The following GRIK4 variants were observed in gnomAD, a reference collection of about 807,000 sequenced individuals.
The protein encoded by GRIK4 is glutamate ionotropic receptor kainate type subunit 4.
A neutral mutation model predicts 104.9 loss-of-function variants in GRIK4; 40 were observed. The observed-to-expected ratio is 0.38, with a 90% CI of 0.30 to 0.50. GRIK4 has a LOEUF of 0.50. GRIK4 is among the 20% of genes least tolerant of loss of function. The pLI, the probability that GRIK4 is intolerant of heterozygous loss-of-function variation, is 0.93. For synonymous variants in GRIK4, 485 were observed against 524.9 expected (o/e 0.92, Z 1.04); for missense variants, 1,047 against 1,308.1 (o/e 0.80, Z 3.08).
At chr11:120,596,141 C>T (rs1045140935) in intron 1 of GRIK4, among the ~76,000 whole-genome samples, 6 of 152,202 alleles carry the variant, frequency 3.9e-5, no homozygotes, top group African/African-American at 1.4e-4. Context: ...CCACTGTGCC[C>T]GACCGGGATG....
intron 3 of GRIK4, among the ~76,000 whole-genome samples, chr11:120,708,320 A>G (rs768538819): frequency 3.9e-5 from 6 of 152,020 alleles, no homozygotes; most frequent in Non-Finnish European, 8.8e-5. Context: ...GGGGCAGCAA[A>G]GCTTTTGATC....
At chr11:120,755,208 G>C (rs1951631352) in intron 3 of GRIK4, among the ~76,000 whole-genome samples, 1 of 152,194 alleles carries the variant, frequency 6.6e-6, no homozygotes, top group Admixed American at 6.5e-5. Flanking sequence ...TGCCTTTACA[G>C]CCACAGTGTG....
intron 3 of GRIK4, among the ~76,000 whole-genome samples, chr11:120,669,729 C>T (rs1351033858): frequency 6.6e-6 from 1 of 152,264 alleles, no homozygotes. Context: ...TTCTCAGTCT[C>T]CTTTGCTCGT....
At chr11:120,692,065 G>T (rs1168519927) in intron 3 of GRIK4, among the ~76,000 whole-genome samples, 1 of 152,204 alleles carries the variant, frequency 6.6e-6, no homozygotes, top group Non-Finnish European at 1.5e-5. Context: ...CTCTCCCTGT[G>T]CCCAGCCAGC....
chr11:120,731,987 T>G (rs939416391), intron 3 of GRIK4, among the ~76,000 whole-genome samples: 10 of 152,164 alleles, frequency 6.6e-5, no homozygotes, highest in African/African-American at 2.4e-4. Context: ...TTAAAAATGT[T>G]TTCAAAAAAC....
chr11:120,516,929 C>T (rs1207593399), intron 1 of GRIK4, among the ~76,000 whole-genome samples: 1 of 150,082 alleles, frequency 6.7e-6, no homozygotes, highest in Non-Finnish European at 1.5e-5. Context: ...CTGCTGCGTT[C>T]CTGGGCAGCA....
At chr11:120,614,626 A>G (rs1447256219) in intron 1 of GRIK4, among the ~76,000 whole-genome samples, 2 of 152,222 alleles carry the variant, frequency 1.3e-5, no homozygotes, top group Non-Finnish European at 2.9e-5. Context: ...TCAGATGTAC[A>G]TGCCAGCTAC....
chr11:120,547,412 G>A (rs371447236), intron 1 of GRIK4, among the ~76,000 whole-genome samples: 4 of 152,320 alleles, frequency 2.6e-5, no homozygotes, highest in South Asian at 2.1e-4. Flanking sequence ...AGTGAATAGC[G>A]TGGTGAGATG....
chr11:120,642,584 T>A (rs1296673262), intron 1 of GRIK4, among the ~76,000 whole-genome samples: 3 of 151,988 alleles, frequency 2.0e-5, no homozygotes, highest in African/African-American at 4.8e-5. Flanking sequence ...AACCAAGGCT[T>A]CACTCTTCTC....
intron 1 of GRIK4, among the ~76,000 whole-genome samples, chr11:120,628,316 C>G (rs377174231): frequency 4.6e-5 from 7 of 152,208 alleles, no homozygotes; most frequent in South Asian, 2.1e-4. Flanking sequence ...AATTTTGCCC[C>G]AGAAATATAT....
chr11:120,735,463 C>A (rs181794649), intron 3 of GRIK4, among the ~76,000 whole-genome samples: 4 of 152,258 alleles, frequency 2.6e-5, no homozygotes, highest in Non-Finnish European at 5.9e-5. Flanking sequence ...ATGGCCACCA[C>A]CACTCAAATT....
chr11:120,814,812 T>C (rs1163371514), intron 4 of GRIK4, among the ~76,000 whole-genome samples: 2 of 152,200 alleles, frequency 1.3e-5, no homozygotes, highest in African/African-American at 4.8e-5. Context: ...ATGAAACTTC[T>C]TTCTGCCTCT....
Position 120,986,888 on chromosome 11 carries a change from G to C in GRIK4, c.*628G>C, listed in dbSNP as rs1944764616. 1 of 152,124 alleles carries C rather than the reference G, an allele frequency of 6.6e-6. No homozygotes were observed. Among genetic ancestry groups the C allele is most frequent in the Non-Finnish European group, 1.5e-5 (1 of 68,056 alleles). 9.4% of individuals were successfully genotyped at this position (152,124 alleles called of 1,614,324 possible). On this transcript the variant is annotated 3_prime_UTR_variant, in exon 21 of 21. Transcript: ENST00000527524. ...TGAATTTTGGAATATTGCGTTACCA[G>C]TGCATCCGATTTCAGGTGCTTAACT...
chr11:120,614,582 G>A (rs1477805825), intron 1 of GRIK4, among the ~76,000 whole-genome samples: 1 of 152,214 alleles, frequency 6.6e-6, no homozygotes, highest in Admixed American at 6.5e-5. Context: ...CTTGGCCATT[G>A]CAGTGAAGAC....
chr11:120,982,347 C>T (rs1055563305), intron 20 of GRIK4, 123 bp downstream of exon 20: 2 of 683,312 alleles, frequency 2.9e-6, no homozygotes, highest in Non-Finnish European at 5.3e-6. Context: ...AATCCCAGTG[C>T]CCAGCAGAGG....
At chr11:120,782,518 C>A (rs1952178750) in intron 3 of GRIK4, among the ~76,000 whole-genome samples, 3 of 152,148 alleles carry the variant, frequency 2.0e-5, no homozygotes, top group African/African-American at 7.2e-5. Context: ...ATCTCCTGAC[C>A]TTGTGATCTG....
chr11:120,740,324 A>G (rs912193877), intron 3 of GRIK4, among the ~76,000 whole-genome samples: 5 of 152,222 alleles, frequency 3.3e-5, no homozygotes, highest in African/African-American at 9.6e-5. Flanking sequence ...AGCAGAAGCT[A>G]GACAATCACA....
At chr11:120,547,015 C>T (rs1948091249) in intron 1 of GRIK4, among the ~76,000 whole-genome samples, 1 of 152,214 alleles carries the variant, frequency 6.6e-6, no homozygotes, top group South Asian at 2.1e-4. Flanking sequence ...ATGCAGAGCT[C>T]CACGTACCTC....
chr11:120,890,304 T>C lies in GRIK4; in HGVS notation c.1165-8228T>C, dbSNP rs113602341. On this transcript the variant is annotated intron_variant, in intron 11 of 20. Coordinates refer to ENST00000527524, the MANE Select transcript of GRIK4 (RefSeq NM_014619.5). ...TACCCCAGCTCATACAGCTTATGCA[T>C]GGGAGAGGAGGAAAAAAAATGTGGG... 4.9e-3 allele frequency among the ~76,000 whole-genome samples: 749 copies of C among 152,246 alleles called. 3 individuals are homozygous for C. Among genetic ancestry groups the C allele is most frequent in the African/African-American group, 0.017 (707 of 41,530 alleles).
Sources: gnomAD v4.1 joint callset for allele counts (sites outside exome capture counted in the v4.1 genomes callset) on GRCh38, gnomAD v4.1.1 for gene constraint, MANE v1.5 for transcripts, NCBI Gene and HGNC (gene_info 2026-07-23, HGNC 2026-07-21) for gene names.